The following LCK variants were observed in gnomAD, a reference collection of about 807,000 sequenced individuals.
The protein encoded by LCK is tyrosine-protein kinase Lck.
Under a neutral mutation model 64.6 loss-of-function variants are expected in LCK, and 14 were observed. The observed-to-expected ratio is 0.22, with a 90% CI of 0.14 to 0.34. The LOEUF (loss-of-function observed/expected upper bound fraction) is 0.34. Ranked by LOEUF, LCK falls within the 10% of genes least tolerant of loss-of-function variation. The pLI is 1.00. For synonymous variants in LCK, 277 were observed against 263.6 expected, an observed-to-expected ratio of 1.05 and a Z score of -0.49; for missense variants, 434 against 668.1, an observed-to-expected ratio of 0.65 and a Z score of 3.86.
intron 1 of LCK, among the ~76,000 whole-genome samples, chr1:32,262,369 T>A (rs1346361591): frequency 6.8e-6 from 1 of 147,846 alleles, no homozygotes; most frequent in East Asian, 2.2e-4. Flanking sequence ...GGTGTGGTGG[T>A]GCGTGCCTAT....
chr1:32,280,261 G>A (rs1363420916), intron 12 of LCK, 51 bp downstream of exon 12: 2 of 1,604,752 alleles, frequency 1.2e-6, no homozygotes, highest in East Asian at 2.2e-5. Flanking sequence ...GCAAGTCCAT[G>A]TCTTCCCATT....
chr1:32,253,238 G>A (rs1195882576), intron 1 of LCK, among the ~76,000 whole-genome samples: 2 of 152,114 alleles, frequency 1.3e-5, no homozygotes, highest in African/African-American at 4.8e-5. Flanking sequence ...GGTGGCAGGT[G>A]CCTGTAATCC....
chr1:32,255,570 C>T (rs1313715019), intron 1 of LCK, among the ~76,000 whole-genome samples: 1 of 152,120 alleles, frequency 6.6e-6, no homozygotes, highest in Non-Finnish European at 1.5e-5. Flanking sequence ...TACTTCCTGG[C>T]AAGTGTTGCT....
intron 1 of LCK, among the ~76,000 whole-genome samples, chr1:32,252,519 C>G (rs1161347624): frequency 6.6e-6 from 1 of 152,204 alleles, no homozygotes; most frequent in Non-Finnish European, 1.5e-5. Flanking sequence ...TTTCTCCTGT[C>G]TACAGCTCCA....
chr1:32,281,724 A>C (rs1047366722), intron 12 of LCK, among the ~76,000 whole-genome samples: 1 of 152,070 alleles, frequency 6.6e-6, no homozygotes, highest in Admixed American at 6.6e-5. Flanking sequence ...GAAGCTTCCC[A>C]TATCCCCAGA....
In LCK at chr1:32,276,840, G is replaced by A; in HGVS notation, c.964+54G>A. On this transcript the variant is annotated intron_variant, in intron 9 of 12. Coordinates refer to ENST00000336890, the MANE Select transcript of LCK (RefSeq NM_005356.5). The surrounding 1 kb of genome is among the most constrained non-coding windows in gnomAD (Gnocchi z 4.6). ...GGATACTGCTCTCCCTGCTGTCCCT[G>A]CCAGAGGGTGGAAATACACCTTTTC... 3.4e-6 allele frequency: 5 copies of A among 1,476,806 alleles called. No individual in the cohort carries two copies. The highest frequency in any genetic ancestry group is 4.5e-6 in the Non-Finnish European group (5 of 1,099,208). 91.5% of individuals were successfully genotyped at this position (1,476,806 alleles called of 1,614,324 possible). A position where few individuals can be genotyped will look rare whatever the true frequency, so the allele number is the denominator to read the frequency against.
At chr1:32,282,023 TCA>T (rs1486373771) in intron 12 of LCK, among the ~76,000 whole-genome samples, 5 of 152,104 alleles carry the variant, frequency 3.3e-5, no homozygotes, top group African/African-American at 1.2e-4. Flanking sequence ...TGAGCTGAGA[TCA>T]TGCCACCGCA....
chr1:32,277,820 G>T (rs149227068), intron 9 of LCK, among the ~76,000 whole-genome samples: 1 of 152,120 alleles, frequency 6.6e-6, no homozygotes, highest in East Asian at 1.9e-4. Context: ...ATAATAACGC[G>T]TTAGTAACTT....
rs1480132008 is a variant in LCK at position 32,276,358 on chromosome 1, C to A, written c.653C>A (p.Thr218Lys). The A allele has an allele frequency of 5.0e-6, 8 of 1,607,090 alleles. No homozygotes were observed. Among genetic ancestry groups the A allele is most frequent in the Non-Finnish European group, 6.8e-6 (8 of 1,177,820 alleles). Reference sequence around the variant, plus strand: ...GCAGATGCTTCAGATGGGCTGTGCACACGGTTGAGCCGCCCCTGCCAGACC... The same window carrying A: ...GCAGATGCTTCAGATGGGCTGTGCAAACGGTTGAGCCGCCCCTGCCAGACC... The part of the protein sequence containing the change: ...HYTNASDGLC[T>K]RLSRPCQTQK... The change falls in exon 8 of 13, where the codon ACA (threonine) becomes AAA (lysine). Residue 218 changes from threonine to lysine, a missense_variant. Thr to Lys is a moderately conservative substitution (Grantham distance 78, BLOSUM62 -1). This residue lies in a region of LCK where 233 missense variants were observed against 291.2 expected (regional missense o/e 0.80). Transcript: ENST00000336890. This position sits in a 1 kb window ranked among gnomAD's most constrained non-coding sequence, Gnocchi z 4.6.
chr1:32,275,841 A>C lies in LCK; in HGVS notation c.482-73A>C. On this transcript the variant is annotated intron_variant, in intron 6 of 12. Transcript: ENST00000336890. This position sits in a 1 kb window ranked among gnomAD's most constrained non-coding sequence, Gnocchi z 6.9. ...GGAGTTGGGGGTGCTGGGTGAGCCC[A>C]AGGTGGGGGCGCGGTGGCGGGCCAG... 1 of 1,567,498 alleles carries C rather than the reference A, an allele frequency of 6.4e-7. No homozygotes were observed.
chr1:32,271,574 G>T (rs1202889336), intron 1 of LCK, among the ~76,000 whole-genome samples: 1 of 152,208 alleles, frequency 6.6e-6, no homozygotes, highest in Non-Finnish European at 1.5e-5. Flanking sequence ...TGAAGTTAGA[G>T]GATCACTTGA....
chr1:32,265,314 A>C lies in LCK; in HGVS notation c.-5-9011A>C, dbSNP rs114708882. Among the ~76,000 whole-genome samples the C allele has an allele frequency of 3.2e-3, 492 of 152,374 alleles. 1 individual carries two copies. The highest frequency in any genetic ancestry group is 4.9e-3 in the Non-Finnish European group (333 of 68,038). On this transcript the variant is annotated intron_variant, in intron 1 of 12. Transcript: ENST00000336890. ...GATTTTTGAAATATTAAAATAACCTAAAGGCCTCCCCGGCACTAGCCTGGG... is the reference window on the plus strand; with the variant it reads ...GATTTTTGAAATATTAAAATAACCTCAAGGCCTCCCCGGCACTAGCCTGGG...
intron 1 of LCK, among the ~76,000 whole-genome samples, chr1:32,273,372 G>A (rs1443606796): frequency 1.3e-5 from 2 of 151,120 alleles, no homozygotes; most frequent in African/African-American, 4.9e-5. Flanking sequence ...GAGTGTGTGT[G>A]TGTAGGGTGT....
At chr1:32,280,239 G>T (rs770707202) in intron 12 of LCK, 29 bp downstream of exon 12, 1 of 1,612,920 alleles carries the variant, frequency 6.2e-7, no homozygotes, top group South Asian at 1.1e-5. Flanking sequence ...AACTGAAAGG[G>T]TGATGGGAAG....
At chr1:32,273,134 G>A (rs1368023366) in intron 1 of LCK, among the ~76,000 whole-genome samples, 1 of 129,548 alleles carries the variant, frequency 7.7e-6, no homozygotes, top group Admixed American at 8.0e-5. Context: ...GTGAGAGTGG[G>A]TGCCTGTGTG....
Position 32,276,922 on chromosome 1 carries a change from C to A in LCK, c.964+136C>A. On this transcript the variant is annotated intron_variant, in intron 9 of 12. Transcript: ENST00000336890. The surrounding 1 kb of genome is among the most constrained non-coding windows in gnomAD (Gnocchi z 4.6). ...CTTGAGCTTTCCTGCCCCCTGGAGA[C>A]TCACCTCCAGCCGGGCGCGGTGGCT... 2 of 937,246 alleles carry A rather than the reference C, an allele frequency of 2.1e-6. No individual in the cohort carries two copies. Among genetic ancestry groups the A allele is most frequent in the Non-Finnish European group, 3.0e-6 (2 of 664,818 alleles). 58.1% of individuals were successfully genotyped at this position (937,246 alleles called of 1,614,324 possible). A position where few individuals can be genotyped will look rare whatever the true frequency, so the allele number is the denominator to read the frequency against.
chr1:32,262,995 G>A (rs925462425), intron 1 of LCK, among the ~76,000 whole-genome samples: 17 of 152,006 alleles, frequency 1.1e-4, no homozygotes, highest in African/African-American at 4.1e-4. Context: ...AAGGTCACGA[G>A]TAAGAATTTC....
In LCK at chr1:32,274,418, T is replaced by C. The variant is rs749818114; in HGVS notation, c.89T>C (p.Leu30Pro). 1 of 1,613,002 alleles carries C rather than the reference T, an allele frequency of 6.2e-7. No individual in the cohort carries two copies. The highest frequency in any genetic ancestry group is 8.5e-7 in the Non-Finnish European group (1 of 1,179,452). ...AACTGCCATTATCCCATAGTCCCAC[T>C]GGATGGCAAGGGCACGGTAAGAGGC... Reference protein sequence around the residue: ...CENCHYPIVPLDGKGTLLIRN... With the variant: ...CENCHYPIVPPDGKGTLLIRN... Residue 30 changes from leucine (L) to proline (P), a missense_variant, in exon 2 of 13, where the codon CTG (leucine) becomes CCG (proline). Transcript: ENST00000336890.
At chr1:32,271,779 A>C (rs1303226378) in intron 1 of LCK, among the ~76,000 whole-genome samples, 1 of 152,182 alleles carries the variant, frequency 6.6e-6, no homozygotes, top group Non-Finnish European at 1.5e-5. Context: ...TTTATTAACT[A>C]ATTTTGGGTG....
Sources: allele counts gnomAD v4.1 joint callset (sites outside exome capture counted in the v4.1 genomes callset), GRCh38; gene constraint gnomAD v4.1.1; regional missense constraint gnomAD v4.1.1; non-coding constraint Gnocchi (gnomAD v3.1); transcripts MANE v1.5; gene names NCBI Gene and HGNC (gene_info 2026-07-23, HGNC 2026-07-21).